Variants in BPHL observed in about 807,000 individuals in gnomAD.
BPHL encodes the protein biphenyl hydrolase like.
Under a neutral mutation model 31.2 loss-of-function variants are expected in BPHL, and 27 were observed. The observed-to-expected ratio is 0.87, with a 90% confidence interval of 0.64 to 1.19. BPHL has a LOEUF of 1.19. Ranked by LOEUF, BPHL falls within the 50% of genes most tolerant of loss-of-function variation. The pLI is 0.00. For synonymous variants in BPHL, 150 were observed against 146.8 expected (o/e 1.02, Z -0.16); for missense variants, 356 against 375.7 (o/e 0.95, Z 0.43).
chr6:3,129,103 T>C lies in BPHL; in HGVS notation c.437T>C (p.Leu146Pro), dbSNP rs1761795432. The change falls in exon 4 of 7, where the codon CTC (leucine) becomes CCC (proline). Residue 146 changes from leucine (L) to proline (P), a missense_variant. Physicochemically the swap from Leu to Pro is moderately conservative, Grantham distance 98. Coordinates refer to ENST00000380379, the MANE Select transcript of BPHL (RefSeq NM_004332.4). ...LGWSDGGITALIAAAKYPSYI... is the reference protein window; with the variant it reads ...LGWSDGGITAPIAAAKYPSYI... Reference sequence around the variant, plus strand: ...TGGAGTGATGGGGGCATAACCGCACTCATTGCTGCTGCAAAATATCCATCT... The same window carrying C: ...TGGAGTGATGGGGGCATAACCGCACCCATTGCTGCTGCAAAATATCCATCT... 1 of 1,613,466 alleles carries C rather than the reference T, an allele frequency of 6.2e-7. No homozygotes were observed. Among genetic ancestry groups the C allele is most frequent in the African/African-American group, 1.3e-5 (1 of 74,912 alleles).
intron 4 of BPHL, among the ~76,000 whole-genome samples, chr6:3,133,228 C>T (rs906616844): frequency 1.4e-5 from 2 of 147,560 alleles, no homozygotes; most frequent in Admixed American, 1.3e-4. Context: ...CTGCAGCTCA[C>T]TGCACTCTTC....
intron 2 of BPHL, among the ~76,000 whole-genome samples, chr6:3,124,546 T>C (rs1761662925): frequency 6.6e-6 from 1 of 151,904 alleles, no homozygotes; most frequent in African/African-American, 2.4e-5. Context: ...AATGTTTGCA[T>C]GGAAGCTACG....
In BPHL at chr6:3,121,969, G is replaced by A. The variant is rs1270523593; in HGVS notation, c.108-1688G>A. 1.2e-4 allele frequency among the ~76,000 whole-genome samples: 19 copies of A among 152,120 alleles called. 1 individual carries two copies. The highest frequency in any genetic ancestry group is 1.0e-3 in the Admixed American group (16 of 15,264). On this transcript the variant is annotated intron_variant, in intron 1 of 6. Transcript: ENST00000380379. ...GTGTTTCAGTTATCCTTTGACTAAG[G>A]GCAGAGGTAGGAGTAGAGAGTATGT...
At chr6:3,138,150 C>G (rs1762064096) in intron 5 of BPHL, 1 of 488,030 alleles carries the variant, frequency 2.0e-6, no homozygotes, top group African/African-American at 2.0e-5. Context: ...TCCCAAGTAG[C>G]TGGGACCACA....
chr6:3,127,088 G>A, intron 2 of BPHL, 154 bp from the exon 3 acceptor site: 4 of 482,082 alleles, frequency 8.3e-6, no homozygotes, highest in Non-Finnish European at 1.4e-5. Flanking sequence ...CGAGTGGATG[G>A]ATTAAGTCAT....
intron 6 of BPHL, among the ~76,000 whole-genome samples, chr6:3,146,752 G>A (rs187820673): frequency 1.4e-5 from 2 of 145,352 alleles, no homozygotes; most frequent in African/African-American, 5.2e-5. Flanking sequence ...CGGAGTGCTG[G>A]TTTGGGTCAG....
intron 1 of BPHL, 32 bp downstream of exon 1, chr6:3,118,879 C>T (rs1482048036): frequency 8.1e-7 from 1 of 1,231,418 alleles, no homozygotes; most frequent in African/African-American, 1.6e-5. Flanking sequence ...CGGGGATCCC[C>T]AGCATCGGCG....
intron 6 of BPHL, among the ~76,000 whole-genome samples, chr6:3,145,167 G>T (rs13205946): frequency 0.51 from 42,859 of 83,506 alleles, 12,330 homozygotes; most frequent in Non-Finnish European, 0.61. Flanking sequence ...CTGGTTCAGG[G>T]TGGAGTGCTG....
At chr6:3,137,195 C>T (rs562120621) in intron 4 of BPHL, among the ~76,000 whole-genome samples, 167 bp from the exon 5 acceptor site, 3 of 151,928 alleles carry the variant, frequency 2.0e-5, no homozygotes, top group South Asian at 2.1e-4. Context: ...CAGAAGGCAC[C>T]GCAAAGCAGC....
intron 4 of BPHL, among the ~76,000 whole-genome samples, chr6:3,136,550 A>C (rs568558228): frequency 2.7e-3 from 408 of 152,332 alleles, no homozygotes; most frequent in Non-Finnish European, 4.5e-3. Flanking sequence ...TTCACTAAGC[A>C]CACAGTGAGT....
chr6:3,125,181 G>T (rs1423861980), intron 2 of BPHL, among the ~76,000 whole-genome samples: 1 of 151,946 alleles, frequency 6.6e-6, no homozygotes, highest in African/African-American at 2.4e-5. Context: ...GAGTAGCTGG[G>T]ATTACAGGTG....
At chr6:3,131,654 C>G (rs1370620499) in intron 4 of BPHL, among the ~76,000 whole-genome samples, 1 of 152,180 alleles carries the variant, frequency 6.6e-6, no homozygotes, top group Admixed American at 6.5e-5. Context: ...GCCCCTCCTG[C>G]CAGCCCCTCC....
chr6:3,129,219 A>G, intron 4 of BPHL, 21 bp downstream of exon 4: 1 of 1,531,880 alleles, frequency 6.5e-7, no homozygotes, highest in Non-Finnish European at 8.8e-7. Flanking sequence ...CGAAGGGGAG[A>G]TGCCGGGACG....
intron 4 of BPHL, among the ~76,000 whole-genome samples, chr6:3,134,748 G>C (rs974374820): frequency 6.6e-6 from 1 of 151,952 alleles, no homozygotes; most frequent in African/African-American, 2.4e-5. Flanking sequence ...GAATACAGGC[G>C]CCTGCCACCA....
At chr6:3,124,045 G>T (rs1412812689) in intron 2 of BPHL, 1 of 221,358 alleles carries the variant, frequency 4.5e-6, no homozygotes, top group Non-Finnish European at 9.1e-6. Context: ...CAAGGAAAGG[G>T]GTGTGGGAAG....
intron 1 of BPHL, chr6:3,119,262 A>ATCTCTTCTT: frequency 6.5e-7 from 1 of 1,533,134 alleles, no homozygotes; most frequent in Non-Finnish European, 8.7e-7. Flanking sequence ...AAGGACAATA[A>ATCTCTTCTT]TCTCTTCTTT....
intron 6 of BPHL, among the ~76,000 whole-genome samples, chr6:3,145,432 A>G (rs1319072881): frequency 0.018 from 238 of 13,216 alleles, 33 homozygotes; most frequent in African/African-American, 0.058. Flanking sequence ...GTGCTGGTTC[A>G]GGGTGGAGCG....
intron 6 of BPHL, among the ~76,000 whole-genome samples, chr6:3,147,979 C>T (rs1363819970): frequency 6.6e-6 from 1 of 152,240 alleles, no homozygotes; most frequent in Non-Finnish European, 1.5e-5. Flanking sequence ...GCAGATTGGA[C>T]AAGACCCACC....
rs763355026 is a variant in BPHL at position 3,129,279 on chromosome 6, TG to T, written c.532+82del. 199 of 1,430,972 alleles carry T rather than the reference TG, an allele frequency of 1.4e-4. 1 individual carries two copies. The highest frequency in any genetic ancestry group is 1.8e-4 in the Non-Finnish European group (195 of 1,084,600). The allele number at this position is 1,430,972 out of a possible 1,614,324, so 88.6% of individuals were successfully genotyped here. ...TCTCATCTCTTATTGTGGGATATGT[TG>T]ACAAGACACATCTCTCGTGCTTCTA... On this transcript the variant is annotated intron_variant, in intron 4 of 6. Coordinates refer to ENST00000380379, the MANE Select transcript of BPHL (RefSeq NM_004332.4).
Sources: allele counts gnomAD v4.1 joint callset (sites outside exome capture counted in the v4.1 genomes callset), GRCh38; gene constraint gnomAD v4.1.1; transcripts MANE v1.5; gene names NCBI Gene and HGNC (gene_info 2026-07-23, HGNC 2026-07-21).